The following METTL15 variants were observed in gnomAD, a reference collection of about 807,000 sequenced individuals.
The protein encoded by METTL15 is 12S rRNA N(4)-cytidine methyltransferase METTL15.
Under a neutral mutation model 38.3 loss-of-function variants are expected in METTL15, and 34 were observed. The observed-to-expected ratio is 0.89, with a 90% confidence interval of 0.68 to 1.18. METTL15 has a LOEUF of 1.18. Among genes scored for constraint, METTL15 ranks in the 50% most tolerant of loss-of-function variants. METTL15 has a pLI of 0.00. For missense variants in METTL15, 438 were observed against 498.4 expected, an observed-to-expected ratio of 0.88 and a Z score of 1.15; for synonymous variants, 162 against 170.9, an observed-to-expected ratio of 0.95 and a Z score of 0.41.
chr11:28,295,039 C>T (rs559239930), intron 5 of METTL15, among the ~76,000 whole-genome samples: 1 of 152,208 alleles, frequency 6.6e-6, no homozygotes, highest in African/African-American at 2.4e-5. Flanking sequence ...TTCAAATGCT[C>T]AGTGGTTTGA....
intron 3 of METTL15, among the ~76,000 whole-genome samples, chr11:28,149,246 T>G (rs570557806): frequency 6.6e-6 from 1 of 151,696 alleles, no homozygotes; most frequent in Non-Finnish European, 1.5e-5. Context: ...AGGATTTTTC[T>G]GATAATTAGA....
chr11:28,194,744 G>A (rs1239525211), intron 3 of METTL15, among the ~76,000 whole-genome samples: 1 of 151,824 alleles, frequency 6.6e-6, no homozygotes, highest in East Asian at 1.9e-4. Context: ...TTTTATCCAC[G>A]TGGATGAATT....
In METTL15 at chr11:28,128,158, G is replaced by A. The variant is rs989759017; in HGVS notation, c.270+14554G>A. ...CTGTGGGCATTTTCATATGGCAACC[G>A]TTTTAGCCAAGATAGAAACTTTGTT... On this transcript the variant is annotated intron_variant, in intron 3 of 6. Transcript: ENST00000407364. 5.3e-5 allele frequency among the ~76,000 whole-genome samples: 8 copies of A among 151,942 alleles called. No individual in the cohort carries two copies. The East Asian group carries it at 5.8e-4, about 11-fold the overall frequency.
intron 3 of METTL15, among the ~76,000 whole-genome samples, chr11:28,175,604 T>G (rs1378830504): frequency 6.6e-6 from 1 of 152,142 alleles, no homozygotes; most frequent in Non-Finnish European, 1.5e-5. Context: ...CTTATTAACT[T>G]TCTTAAACCT....
intron 6 of METTL15, among the ~76,000 whole-genome samples, chr11:28,430,102 G>A (rs1850903712): frequency 6.6e-6 from 1 of 150,406 alleles, no homozygotes; most frequent in Non-Finnish European, 1.5e-5. Context: ...TCTGAGAAGT[G>A]AGGAGACCCT....
At chr11:28,181,443 T>G (rs1334240448) in intron 3 of METTL15, among the ~76,000 whole-genome samples, 1 of 151,880 alleles carries the variant, frequency 6.6e-6, no homozygotes, top group Non-Finnish European at 1.5e-5. Context: ...GTGTGTGATG[T>G]TCCCCTCCCT....
At chr11:28,159,065 A>G (rs559016565) in intron 3 of METTL15, among the ~76,000 whole-genome samples, 18 of 152,252 alleles carry the variant, frequency 1.2e-4, no homozygotes, top group African/African-American at 3.6e-4. Context: ...CCGCGACATT[A>G]CTTTCTGCTG....
chr11:28,467,652 C>T (rs1339739945), intron 6 of METTL15, among the ~76,000 whole-genome samples: 1 of 152,162 alleles, frequency 6.6e-6, no homozygotes, highest in African/African-American at 2.4e-5. Flanking sequence ...TTCACCCACT[C>T]AGGTACTGAG....
At chr11:28,527,749 T>C (rs545668334), downstream of METTL15, among the ~76,000 whole-genome samples, 4 of 152,332 alleles carry the variant, frequency 2.6e-5, no homozygotes, top group Admixed American at 2.0e-4. Context: ...AGGTGCTAAC[T>C]AGGACTGAGA....
At chr11:28,371,071 T>C (rs1436356913) in intron 5 of METTL15, among the ~76,000 whole-genome samples, 1 of 152,128 alleles carries the variant, frequency 6.6e-6, no homozygotes, top group Admixed American at 6.6e-5. Context: ...ATCCTATTTA[T>C]TTTTGATTTA....
At chr11:28,388,004 T>A (rs1850458318) in intron 5 of METTL15, among the ~76,000 whole-genome samples, 1 of 151,606 alleles carries the variant, frequency 6.6e-6, no homozygotes, top group African/African-American at 2.4e-5. Context: ...CAACACACTT[T>A]TGTGATAAAA....
At chr11:28,129,407 C>CT (rs71449170) in intron 3 of METTL15, among the ~76,000 whole-genome samples, 257 of 143,740 alleles carry the variant, frequency 1.8e-3, no homozygotes, top group Non-Finnish European at 1.8e-3. Flanking sequence ...TATAAAATTA[C>CT]TTTTTTTTTT....
In METTL15 at chr11:28,143,691, T is replaced by C. The variant is rs151035124; in HGVS notation, c.270+30087T>C. On this transcript the variant is annotated intron_variant, in intron 3 of 6. Transcript: ENST00000407364. ...GAAGGGGAAAGTCAGAGAACAGTTA[T>C]GGGAACAAAGACGCATTAATGATTT... Among the ~76,000 whole-genome samples the C allele has an allele frequency of 3.0e-3, 451 of 152,314 alleles. 1 individual carries two copies. Among genetic ancestry groups the C allele is most frequent in the African/African-American group, 9.6e-3 (401 of 41,582 alleles).
intron 6 of METTL15, among the ~76,000 whole-genome samples, chr11:28,297,945 T>C (rs1856796158): frequency 6.6e-6 from 1 of 152,102 alleles, no homozygotes; most frequent in Non-Finnish European, 1.5e-5. Context: ...CATTACTATT[T>C]AGAGATCACA....
chr11:28,436,648 T>C (rs928242919), intron 6 of METTL15, among the ~76,000 whole-genome samples: 1 of 152,098 alleles, frequency 6.6e-6, no homozygotes, highest in Non-Finnish European at 1.5e-5. Flanking sequence ...AAAGCTACTC[T>C]GTTAATTAGT....
intron 6 of METTL15, among the ~76,000 whole-genome samples, chr11:28,481,837 A>T (rs1040943442): frequency 1.3e-5 from 2 of 151,868 alleles, no homozygotes. Context: ...GCAATAAATA[A>T]TTTTCTGTTA....
chr11:28,379,869 T>C (rs1850362255), intron 5 of METTL15, among the ~76,000 whole-genome samples: 1 of 152,196 alleles, frequency 6.6e-6, no homozygotes, highest in South Asian at 2.1e-4. Context: ...TATTAATGTT[T>C]GTCTTATGTA....
chr11:28,158,132 T>C (rs1565130786), intron 3 of METTL15, among the ~76,000 whole-genome samples: 3 of 151,984 alleles, frequency 2.0e-5, no homozygotes, highest in Admixed American at 1.3e-4. Context: ...GATTGGAAAA[T>C]TGGTGATGAA....
At chr11:28,380,168 C>CTT (rs34704753) in intron 5 of METTL15, among the ~76,000 whole-genome samples, 1,303 of 124,022 alleles carry the variant, frequency 0.011, 40 homozygotes, top group East Asian at 0.025. Flanking sequence ...CCACTTTATG[C>CTT]TTTTTTTTTT....
Sources: allele counts gnomAD v4.1 joint callset (sites outside exome capture counted in the v4.1 genomes callset), GRCh38; gene constraint gnomAD v4.1.1; transcripts MANE v1.5; gene names NCBI Gene and HGNC (gene_info 2026-07-23, HGNC 2026-07-21).